PDGFC: variants seen among roughly 807,000 people sequenced by gnomAD.
PDGFC encodes platelet-derived growth factor C.
PDGFC carries 12 observed loss-of-function variants against 35.5 expected under a neutral mutation model. That is an observed-to-expected ratio of 0.34 (90% CI 0.22 to 0.55). The LOEUF is 0.55. Among genes scored for constraint, PDGFC ranks in the 20% least tolerant of loss-of-function variants. The probability of loss-of-function intolerance (pLI) is 0.91; values close to 1 mark genes in which losing one functional copy is unlikely to be tolerated. For missense variants in PDGFC, 322 were observed against 412.4 expected, an observed-to-expected ratio of 0.78 and a Z score of 1.90; for synonymous variants, 159 against 148.8, an observed-to-expected ratio of 1.07 and a Z score of -0.50.
chr4:156,837,370 T>A (rs1729088125), intron 2 of PDGFC, among the ~76,000 whole-genome samples: 1 of 151,914 alleles, frequency 6.6e-6, no homozygotes. Context: ...AGAGTGAGAC[T>A]CTGTCTCAGT....
intron 1 of PDGFC, among the ~76,000 whole-genome samples, chr4:156,920,539 T>G (rs997955): frequency 0.86 from 131,182 of 152,070 alleles, 57,193 homozygotes; most frequent in East Asian, 0.93. Context: ...ATTTTTTAAA[T>G]AACTGAAATA....
At chr4:156,812,083 A>G (rs1731948538) in intron 2 of PDGFC, among the ~76,000 whole-genome samples, 2 of 152,064 alleles carry the variant, frequency 1.3e-5, no homozygotes, top group Admixed American at 1.3e-4. Flanking sequence ...TAAATTTTAA[A>G]TAACGTCAAC....
At chr4:156,813,352 A>C (rs2110952643) in intron 2 of PDGFC, among the ~76,000 whole-genome samples, 1 of 152,218 alleles carries the variant, frequency 6.6e-6, no homozygotes, top group East Asian at 1.9e-4. Flanking sequence ...ACAAACACAT[A>C]ACTAAAGCTT....
At chr4:156,916,429 A>C (rs1731157898) in intron 1 of PDGFC, among the ~76,000 whole-genome samples, 1 of 152,186 alleles carries the variant, frequency 6.6e-6, no homozygotes, top group Non-Finnish European at 1.5e-5. Context: ...AGACCTTCTA[A>C]GGTACTATTG....
intron 3 of PDGFC, chr4:156,778,154 A>G: frequency 3.4e-6 from 1 of 292,788 alleles, no homozygotes; most frequent in Non-Finnish European, 7.1e-6. Flanking sequence ...ACAAAAGTAA[A>G]AACCTGTGAG....
chr4:156,842,366 C>T (rs1296850589), intron 2 of PDGFC: 1 of 148,594 alleles, frequency 6.7e-6, no homozygotes, highest in Admixed American at 6.6e-5. Flanking sequence ...ATTAATCCAT[C>T]AAGCAGAAAA....
intron 1 of PDGFC, among the ~76,000 whole-genome samples, chr4:156,855,569 T>C (rs1405506611): frequency 6.6e-6 from 1 of 152,152 alleles, no homozygotes; most frequent in African/African-American, 2.4e-5. Context: ...TGTATTTGCT[T>C]GCAAATATGT....
chr4:156,947,804 T>C (rs1203221015), intron 1 of PDGFC, among the ~76,000 whole-genome samples: 13 of 151,990 alleles, frequency 8.6e-5, no homozygotes, highest in Admixed American at 6.6e-5. Context: ...TTGACTATGA[T>C]GTCCATATAC....
intron 2 of PDGFC, among the ~76,000 whole-genome samples, chr4:156,827,583 T>A (rs1349206901): frequency 2.0e-5 from 3 of 151,952 alleles, no homozygotes; most frequent in Admixed American, 2.0e-4. Context: ...AAAAACTAAA[T>A]CCAATGGTCC....
At chr4:156,801,116 T>C (rs1191311840) in intron 3 of PDGFC, among the ~76,000 whole-genome samples, 2 of 152,120 alleles carry the variant, frequency 1.3e-5, no homozygotes, top group Non-Finnish European at 2.9e-5. Flanking sequence ...TTCCAGACGT[T>C]TGCATTTCTG....
intron 1 of PDGFC, among the ~76,000 whole-genome samples, chr4:156,929,350 C>A (rs923435664): frequency 1.1e-4 from 17 of 151,756 alleles, no homozygotes; most frequent in Non-Finnish European, 1.5e-5. Context: ...TATATCCCAA[C>A]CTATCTATGT....
intron 1 of PDGFC, among the ~76,000 whole-genome samples, chr4:156,895,967 G>A (rs1197576934): frequency 6.6e-6 from 1 of 152,068 alleles, no homozygotes; most frequent in African/African-American, 2.4e-5. Flanking sequence ...TGAATCAAAA[G>A]AAGGTAATTT....
chr4:156,924,728 A>G (rs1342088036), intron 1 of PDGFC, among the ~76,000 whole-genome samples: 1 of 152,220 alleles, frequency 6.6e-6, no homozygotes. Context: ...CACTGGGAAG[A>G]TTCTGGGACA....
intron 2 of PDGFC, among the ~76,000 whole-genome samples, chr4:156,826,910 G>T (rs1276881123): frequency 1.3e-5 from 2 of 152,122 alleles, no homozygotes; most frequent in African/African-American, 4.8e-5. Flanking sequence ...AAACCAAAGT[G>T]AAATAAAAAT....
chr4:156,824,327 T>TATATATATAC (rs1491500876), intron 2 of PDGFC, among the ~76,000 whole-genome samples: 96 of 102,622 alleles, frequency 9.4e-4, no homozygotes, highest in Non-Finnish European at 1.2e-3. Context: ...TATATATATA[T>TATATATATAC]ACACACACAC....
At chr4:156,825,134 A>T (rs1390565331) in intron 2 of PDGFC, among the ~76,000 whole-genome samples, 1 of 152,176 alleles carries the variant, frequency 6.6e-6, no homozygotes, top group African/African-American at 2.4e-5. Flanking sequence ...CTTTGAACAC[A>T]GTCGAGGTAG....
At chr4:156,764,116 T>C (rs1326958820) in intron 5 of PDGFC, among the ~76,000 whole-genome samples, 2 of 152,222 alleles carry the variant, frequency 1.3e-5, no homozygotes, top group African/African-American at 2.4e-5. Flanking sequence ...CACAAAATAA[T>C]ATGAAATTTT....
intron 3 of PDGFC, among the ~76,000 whole-genome samples, chr4:156,789,250 G>C (rs1010170472): frequency 1.3e-5 from 2 of 152,064 alleles, no homozygotes; most frequent in African/African-American, 2.4e-5. Context: ...CAGCTGCCTA[G>C]AAAAAATACA....
intron 5 of PDGFC, among the ~76,000 whole-genome samples, chr4:156,764,674 TACTTTG>T (rs1368361769): frequency 1.3e-5 from 2 of 152,232 alleles, no homozygotes; most frequent in Non-Finnish European, 2.9e-5. Context: ...AAATAAAAAT[TACTTTG>T]ACTTTATTTC....
Sources: allele counts gnomAD v4.1 joint callset (sites outside exome capture counted in the v4.1 genomes callset), GRCh38; gene constraint gnomAD v4.1.1; transcripts MANE v1.5; gene names NCBI Gene and HGNC (gene_info 2026-07-23, HGNC 2026-07-21).